Variants in KLF7 observed in about 807,000 individuals in gnomAD.
The protein encoded by KLF7 is KLF transcription factor 7.
In KLF7, 2 loss-of-function variants were observed where a neutral mutation model predicts 27.3. That is an observed-to-expected ratio of 0.07 (90% CI 0.03 to 0.23). The LOEUF (loss-of-function observed/expected upper bound fraction) is 0.23, where lower values mean the gene tolerates loss of function less well. Among genes scored for constraint, KLF7 ranks in the 10% least tolerant of loss-of-function variants. The pLI is 1.00. For missense variants in KLF7, 221 were observed against 394.1 expected (o/e 0.56, Z 3.72); for synonymous variants, 165 against 162.4 (o/e 1.02, Z -0.12).
chr2:207,140,686 C>T lies in KLF7; in HGVS notation c.103-16282G>A, dbSNP rs183433297. 2.1e-3 allele frequency among the ~76,000 whole-genome samples: 320 copies of T among 152,276 alleles called. 1 individual carries two copies. Among genetic ancestry groups the T allele is most frequent in the Middle Eastern group, 6.8e-3 (2 of 294 alleles). ...TCAAGGGCACAATTTACACTTGGCC[C>T]TGCTCCCTACATGGAGCCTAAACAT... On this transcript the variant is annotated intron_variant, in intron 1 of 3. Transcript: ENST00000309446.
At chr2:207,096,641 T>G (rs529089912) in intron 2 of KLF7, among the ~76,000 whole-genome samples, 1 of 152,244 alleles carries the variant, frequency 6.6e-6, no homozygotes, top group East Asian at 1.9e-4. Flanking sequence ...CAAAGAAGCC[T>G]TCTTCTCTGA....
chr2:207,130,102 A>G (rs1426511440), intron 1 of KLF7, among the ~76,000 whole-genome samples: 1 of 151,638 alleles, frequency 6.6e-6, no homozygotes, highest in Non-Finnish European at 1.5e-5. Flanking sequence ...CTCCTGTCAC[A>G]TTGACTATTT....
At chr2:207,094,331 A>C (rs536933643) in intron 2 of KLF7, among the ~76,000 whole-genome samples, 121 of 152,274 alleles carry the variant, frequency 7.9e-4, no homozygotes, top group Non-Finnish European at 1.6e-3. Context: ...TTCTGTTAAG[A>C]CTAATTTTAC....
chr2:207,107,976 G>T (rs2076925416), intron 2 of KLF7, among the ~76,000 whole-genome samples: 1 of 152,172 alleles, frequency 6.6e-6, no homozygotes. Context: ...TTTAATTATT[G>T]CTTTACTCTT....
At chr2:207,096,072 T>C (rs549961238) in intron 2 of KLF7, among the ~76,000 whole-genome samples, 1 of 152,314 alleles carries the variant, frequency 6.6e-6, no homozygotes, top group Non-Finnish European at 1.5e-5. Flanking sequence ...TTTTTCTCCA[T>C]GTCCAGCCCA....
At chr2:207,126,046 T>G (rs2077468751) in intron 1 of KLF7, among the ~76,000 whole-genome samples, 1 of 152,252 alleles carries the variant, frequency 6.6e-6, no homozygotes, top group Non-Finnish European at 1.5e-5. Flanking sequence ...GATTCTGTTT[T>G]ACTTATTGAT....
chr2:207,165,745 AGAG>A lies in KLF7; in HGVS notation c.-180_-178del, dbSNP rs1247556325. On this transcript the variant is annotated 5_prime_UTR_variant, in exon 1 of 4. Coordinates refer to ENST00000309446, the MANE Select transcript of KLF7 (RefSeq NM_003709.4). ...AAAAAAATCAATGCAGGAGAGGGAG[AGAG>A]GAGGTGAGAGAGGAGCGAGTGAGTG... 1.4e-6 allele frequency: 2 copies of A among 1,444,546 alleles called. No homozygotes were observed. Among genetic ancestry groups the A allele is most frequent in the Admixed American group, 5.4e-5 (2 of 37,132 alleles). 89.5% of individuals were successfully genotyped at this position (1,444,546 alleles called of 1,614,324 possible). A position where few individuals can be genotyped will look rare whatever the true frequency, so the allele number is the denominator to read the frequency against.
chr2:207,144,160 G>GGC (rs1491578112), intron 1 of KLF7, among the ~76,000 whole-genome samples: 1 of 48,722 alleles, frequency 2.1e-5, no homozygotes. Flanking sequence ...TCGTCACAGC[G>GGC]GGGGGGAGAA....
At chr2:207,121,991 C>T (rs370782112) in intron 2 of KLF7, 6 of 152,248 alleles carry the variant, frequency 3.9e-5, no homozygotes, top group African/African-American at 1.4e-4. Flanking sequence ...CATTCTTGCC[C>T]TTTTCTGCCT....
chr2:207,084,860 G>A (rs966640845), intron 3 of KLF7, among the ~76,000 whole-genome samples: 2 of 151,994 alleles, frequency 1.3e-5, no homozygotes, highest in Non-Finnish European at 2.9e-5. Context: ...CATTTCTCTC[G>A]TTTATGAAAA....
At chr2:207,150,517 G>C (rs796201928) in intron 1 of KLF7, among the ~76,000 whole-genome samples, 5 of 152,266 alleles carry the variant, frequency 3.3e-5, no homozygotes, top group African/African-American at 1.2e-4. Flanking sequence ...CTGCAGAATA[G>C]AAAACAATTA....
intron 1 of KLF7, among the ~76,000 whole-genome samples, chr2:207,159,159 T>A (rs1396264446): frequency 6.6e-6 from 1 of 152,230 alleles, no homozygotes; most frequent in Non-Finnish European, 1.5e-5. Context: ...AAAATAGATA[T>A]CGCATATGGC....
At chr2:207,123,727 A>G in intron 2 of KLF7, 47 bp downstream of exon 2, 1 of 1,566,434 alleles carries the variant, frequency 6.4e-7, no homozygotes, top group African/African-American at 1.4e-5. Context: ...TGACGAGGCT[A>G]CAGGAGGGGA....
upstream of KLF7, chr2:207,167,131 G>A: frequency 2.1e-6 from 3 of 1,441,136 alleles, no homozygotes; most frequent in Admixed American, 2.6e-5. Context: ...TTTACGTGAT[G>A]AGGCTCACCA....
chr2:207,150,061 C>T (rs1409053008), intron 1 of KLF7, among the ~76,000 whole-genome samples: 1 of 152,162 alleles, frequency 6.6e-6, no homozygotes, highest in East Asian at 1.9e-4. Context: ...TTACCCAAAA[C>T]CCAGACTTCC....
At position 207,077,862 on chromosome 2, in the gene KLF7, C is replaced by T. The variant is rs1043393416; in HGVS notation, c.*3351G>A. 1 of 152,070 alleles carries T rather than the reference C, an allele frequency of 6.6e-6. No individual in the cohort carries two copies. The highest frequency in any genetic ancestry group is 2.4e-5 in the African/African-American group (1 of 41,406). 9.4% of individuals were successfully genotyped at this position (152,070 alleles called of 1,614,324 possible). The stretch of plus-strand genomic sequence containing the variant: ...AACAAATCTGAACCCTGGATAAAAG[C>T]GTGCTTGTTAGGACACCACCAGAAA... On this transcript the variant is annotated 3_prime_UTR_variant, in exon 4 of 4. Transcript: ENST00000309446.
intron 2 of KLF7, among the ~76,000 whole-genome samples, chr2:207,108,569 A>G (rs1193631539): frequency 6.6e-6 from 1 of 152,126 alleles, no homozygotes; most frequent in Non-Finnish European, 1.5e-5. Flanking sequence ...AGATCTCTGG[A>G]TATAATATAA....
chr2:207,124,955 AT>A (rs1285467139), intron 1 of KLF7, among the ~76,000 whole-genome samples: 4 of 152,218 alleles, frequency 2.6e-5, no homozygotes, highest in African/African-American at 9.6e-5. Flanking sequence ...TGCCTTGGGG[AT>A]GGATTCCATA....
rs112054555 is a variant in KLF7 at position 207,139,461 on chromosome 2, C to T, written c.103-15057G>A. On this transcript the variant is annotated intron_variant, in intron 1 of 3. Transcript: ENST00000309446. ...ACTACCAAAAAGACCAGAAACAGAA[C>T]GAAAAGTTTCTTGGCCACTAACAAT... Among the ~76,000 whole-genome samples the T allele has an allele frequency of 4.1e-3, 615 of 151,238 alleles. 4 individuals are homozygous for T. Among genetic ancestry groups the T allele is most frequent in the African/African-American group, 0.014 (579 of 41,090 alleles).
Sources: allele counts gnomAD v4.1 joint callset (sites outside exome capture counted in the v4.1 genomes callset), GRCh38; gene constraint gnomAD v4.1.1; transcripts MANE v1.5; gene names NCBI Gene and HGNC (gene_info 2026-07-23, HGNC 2026-07-21).